The following DOCK5 variants were observed in gnomAD, a reference collection of about 807,000 sequenced individuals.
DOCK5 encodes the protein dedicator of cytokinesis 5, also known as dedicator of cytokinesis protein 5.
DOCK5 carries 142 observed loss-of-function variants against 251.8 expected under a neutral mutation model. The observed-to-expected ratio is 0.56, with a 90% CI of 0.49 to 0.65. DOCK5 has a LOEUF of 0.65. DOCK5 is among the 30% of genes least tolerant of loss of function. DOCK5 has a pLI of 0.00. For missense variants in DOCK5, 2,111 were observed against 2,312.3 expected (o/e 0.91, Z 1.79); for synonymous variants, 842 against 835.5 (o/e 1.01, Z -0.13).
chr8:25,322,456 A>C (rs1453319573), intron 16 of DOCK5, among the ~76,000 whole-genome samples: 1 of 152,202 alleles, frequency 6.6e-6, no homozygotes, highest in Non-Finnish European at 1.5e-5. Context: ...AGTATGGCTA[A>C]AGCAGGACCA....
rs186594564 is a variant in DOCK5, at chr8:25,219,966, A to G, written c.44-23708A>G. ...TTGTATATTCTTTGTGAAATTTCTA[A>G]CAGATGTTGGTCTTTGGGAATTGAC... is the stretch of plus-strand genomic sequence containing the variant. On this transcript the variant is annotated intron_variant, in intron 1 of 51. Transcript: ENST00000276440. Among the ~76,000 whole-genome samples, 4 of 151,332 alleles carry G rather than the reference A, an allele frequency of 2.6e-5. No individual in the cohort carries two copies. The East Asian group carries it at 7.7e-4, about 29-fold the overall frequency.
chr8:25,317,207 T>C (rs2666168), intron 14 of DOCK5, 76 bp downstream of exon 14: 1,275,964 of 1,564,804 alleles, frequency 0.82, 522,307 homozygotes, highest in Non-Finnish European at 0.83. Context: ...GGCCGTATTT[T>C]AATTCTTCTT....
intron 51 of DOCK5, among the ~76,000 whole-genome samples, chr8:25,410,983 GCA>G (rs759695047): frequency 0.094 from 11,107 of 118,468 alleles, 578 homozygotes; most frequent in Middle Eastern, 0.11. Context: ...GCGCGCGCGC[GCA>G]CGCACGCACG....
intron 40 of DOCK5, among the ~76,000 whole-genome samples, chr8:25,388,625 G>A (rs2117314952): frequency 6.6e-6 from 1 of 152,340 alleles, no homozygotes; most frequent in East Asian, 1.9e-4. Context: ...CTCTTATGCA[G>A]TGCTGTTTAA....
intron 27 of DOCK5, among the ~76,000 whole-genome samples, chr8:25,355,498 G>A (rs994297510): frequency 6.6e-6 from 1 of 152,174 alleles, no homozygotes; most frequent in Non-Finnish European, 1.5e-5. Flanking sequence ...CAGCCAGGCT[G>A]GAGTGCAGGG....
chr8:25,262,524 C>T (rs1803617695), intron 2 of DOCK5, among the ~76,000 whole-genome samples: 1 of 152,086 alleles, frequency 6.6e-6, no homozygotes, highest in Admixed American at 6.6e-5. Context: ...CAGGGTTTAT[C>T]AGCGGTATAT....
chr8:25,411,015 T>C (rs1801622542), intron 51 of DOCK5, among the ~76,000 whole-genome samples, 179 bp from the exon 52 acceptor site: 1 of 147,504 alleles, frequency 6.8e-6, no homozygotes, highest in South Asian at 2.2e-4. Flanking sequence ...GTGTGTCTGA[T>C]TAGCTCATGG....
intron 3 of DOCK5, among the ~76,000 whole-genome samples, chr8:25,273,963 CGAG>C (rs1444888813): frequency 2.0e-5 from 3 of 152,082 alleles, no homozygotes; most frequent in African/African-American, 7.2e-5. Flanking sequence ...CGTCTCAAAG[CGAG>C]GAGGAGAAGG....
chr8:25,301,088 T>C (rs893820241), intron 9 of DOCK5, among the ~76,000 whole-genome samples: 42 of 151,396 alleles, frequency 2.8e-4, no homozygotes, highest in African/African-American at 9.3e-4. Flanking sequence ...GGAGTGATGC[T>C]GGCAATTCGG....
chr8:25,207,542 A>T (rs548931840), intron 1 of DOCK5, among the ~76,000 whole-genome samples: 3 of 152,334 alleles, frequency 2.0e-5, no homozygotes, highest in African/African-American at 7.2e-5. Flanking sequence ...GGCCCTTAAC[A>T]ATTATGCTAA....
chr8:25,321,084 A>G (rs770395955), intron 16 of DOCK5, 32 bp downstream of exon 16: 1 of 1,598,172 alleles, frequency 6.3e-7, no homozygotes, highest in South Asian at 1.1e-5. Context: ...ACATATTTCC[A>G]CTTAAAAAAA....
chr8:25,263,849 C>A (rs1803660983), intron 2 of DOCK5, among the ~76,000 whole-genome samples: 1 of 151,884 alleles, frequency 6.6e-6, no homozygotes, highest in Admixed American at 6.5e-5. Context: ...TGGCTCAGTA[C>A]TCAGCTGCCC....
At chr8:25,224,205 G>A (rs991083780) in intron 1 of DOCK5, among the ~76,000 whole-genome samples, 3 of 151,972 alleles carry the variant, frequency 2.0e-5, no homozygotes, top group African/African-American at 4.8e-5. Context: ...TGCAACCTCC[G>A]CCTCCCGAGT....
At chr8:25,235,741 C>A (rs969977671) in intron 1 of DOCK5, among the ~76,000 whole-genome samples, 1 of 151,322 alleles carries the variant, frequency 6.6e-6, no homozygotes, top group Non-Finnish European at 1.5e-5. Flanking sequence ...AGATATTTAT[C>A]TATTCCCTTC....
Position 25,411,441 on chromosome 8 carries a change from C to G in DOCK5, c.*143C>G. Reference sequence around the variant, plus strand: ...TGATGTTTACCAGCCCAAAACCAGTCATGTTCTTCCAAAAGCTTCTCTTTG... The same window carrying G: ...TGATGTTTACCAGCCCAAAACCAGTGATGTTCTTCCAAAAGCTTCTCTTTG... On this transcript the variant is annotated 3_prime_UTR_variant, in exon 52 of 52. Transcript: ENST00000276440. 1 of 1,159,494 alleles carries G rather than the reference C, an allele frequency of 8.6e-7. No individual in the cohort carries two copies. Among genetic ancestry groups the G allele is most frequent in the Non-Finnish European group, 1.1e-6 (1 of 902,066 alleles). 71.8% of individuals were successfully genotyped at this position (1,159,494 alleles called of 1,614,324 possible).
At chr8:25,263,392 C>T (rs1358287976) in intron 2 of DOCK5, among the ~76,000 whole-genome samples, 1 of 151,754 alleles carries the variant, frequency 6.6e-6, no homozygotes, top group Non-Finnish European at 1.5e-5. Context: ...TTGACTGATC[C>T]ACATGTATAA....
chr8:25,320,447 T>C (rs1805393436), intron 15 of DOCK5, among the ~76,000 whole-genome samples: 1 of 152,248 alleles, frequency 6.6e-6, no homozygotes, highest in Non-Finnish European at 1.5e-5. Flanking sequence ...ATATGTATTT[T>C]AGATACTTGC....
intron 22 of DOCK5, among the ~76,000 whole-genome samples, chr8:25,339,795 G>A (rs1033340561): frequency 7.2e-5 from 11 of 152,176 alleles, no homozygotes; most frequent in Admixed American, 2.6e-4. Context: ...CAAGTGTAGT[G>A]GGAAGCCGTT....
At chr8:25,409,109 C>T (rs1801573522) in intron 50 of DOCK5, among the ~76,000 whole-genome samples, 169 bp downstream of exon 50, 3 of 152,172 alleles carry the variant, frequency 2.0e-5, no homozygotes, top group Non-Finnish European at 2.9e-5. Flanking sequence ...GCAAGGAGGC[C>T]ACTAGGACTC....
Sources: allele counts gnomAD v4.1 joint callset (sites outside exome capture counted in the v4.1 genomes callset), GRCh38; gene constraint gnomAD v4.1.1; transcripts MANE v1.5; gene names NCBI Gene and HGNC (gene_info 2026-07-23, HGNC 2026-07-21).